STRN: variants seen among roughly 807,000 people sequenced by gnomAD.
STRN encodes protein phosphatase 2 regulatory subunit B'''alpha.
Under a neutral mutation model 96.3 loss-of-function variants are expected in STRN, and 53 were observed. The ratio of observed to expected loss-of-function variants is 0.55; its 90% CI spans 0.44 to 0.69. The LOEUF is 0.69. Ranked by LOEUF, STRN falls within the 30% of genes least tolerant of loss-of-function variation. The pLI, the probability that STRN is intolerant of heterozygous loss-of-function variation, is 0.00. For synonymous variants in STRN, 428 were observed against 355.9 expected, an observed-to-expected ratio of 1.20 and a Z score of -2.28; for missense variants, 987 against 963.9, an observed-to-expected ratio of 1.02 and a Z score of -0.32.
At chr2:36,952,489 T>TA (rs1214542289) in intron 1 of STRN, among the ~76,000 whole-genome samples, 3 of 151,816 alleles carry the variant, frequency 2.0e-5, no homozygotes, top group African/African-American at 7.2e-5. Flanking sequence ...TGCTTCTACT[T>TA]ACCATGCCCA....
chr2:36,910,110 C>T (rs4016033), intron 3 of STRN, among the ~76,000 whole-genome samples: 90,764 of 150,016 alleles, frequency 0.61, 29,335 homozygotes, highest in African/African-American at 0.85. Flanking sequence ...GAGGCGGAGG[C>T]TGCAGTGAGC....
At chr2:36,862,533 C>G (rs915992942) in intron 12 of STRN, among the ~76,000 whole-genome samples, 1 of 152,040 alleles carries the variant, frequency 6.6e-6, no homozygotes, top group African/African-American at 2.4e-5. Flanking sequence ...GTCTGTTGGC[C>G]ACATGTATGT....
At chr2:36,902,350 A>G (rs1182774176) in intron 5 of STRN, among the ~76,000 whole-genome samples, 1 of 152,224 alleles carries the variant, frequency 6.6e-6, no homozygotes, top group Non-Finnish European at 1.5e-5. Context: ...TCAATATACT[A>G]AAATCTATTA....
intron 2 of STRN, among the ~76,000 whole-genome samples, chr2:36,920,393 C>T (rs999871581): frequency 1.3e-5 from 2 of 152,124 alleles, no homozygotes; most frequent in African/African-American, 4.8e-5. Flanking sequence ...AATCCCAACA[C>T]TTTGGGAGGC....
chr2:36,870,490 T>C (rs1429171771), intron 10 of STRN, among the ~76,000 whole-genome samples: 1 of 152,186 alleles, frequency 6.6e-6, no homozygotes, highest in Non-Finnish European at 1.5e-5. Flanking sequence ...TGGTCAACGA[T>C]GGACCACATA....
intron 13 of STRN, among the ~76,000 whole-genome samples, chr2:36,858,709 G>C (rs753746411): frequency 1.5e-4 from 23 of 152,184 alleles, no homozygotes; most frequent in Non-Finnish European, 2.6e-4. Flanking sequence ...CAAATGTTAA[G>C]TCTGGAAATG....
At chr2:36,945,643 C>T (rs1194614938) in intron 1 of STRN, among the ~76,000 whole-genome samples, 1 of 151,168 alleles carries the variant, frequency 6.6e-6, no homozygotes, top group African/African-American at 2.4e-5. Context: ...CCAGCCCGGG[C>T]GACAGTGCAA....
At chr2:36,885,842 C>T (rs1045895826) in intron 8 of STRN, among the ~76,000 whole-genome samples, 14 of 152,056 alleles carry the variant, frequency 9.2e-5, no homozygotes, top group African/African-American at 3.4e-4. Flanking sequence ...CTTTATACTA[C>T]CTTAACATCT....
At position 36,887,480 on chromosome 2, in the gene STRN, C is replaced by CA. The variant is rs758670317; in HGVS notation, c.932-655dup. ...AGCAAAACTCTGTCTCAAAAAAAAA[C>CA]AAAAAACAAAAAACAGAACTTCTCG... On this transcript the variant is annotated intron_variant, in intron 7 of 17. Transcript: ENST00000263918. Among the ~76,000 whole-genome samples, 11 of 150,866 alleles carry CA rather than the reference C, an allele frequency of 7.3e-5. No individual in the cohort carries two copies. In the East Asian group the frequency reaches 1.7e-3, roughly 24 times the overall value.
intron 1 of STRN, among the ~76,000 whole-genome samples, chr2:36,958,109 G>C (rs745444481): frequency 6.6e-6 from 1 of 151,610 alleles, no homozygotes; most frequent in East Asian, 1.9e-4. Flanking sequence ...TAGTAGAGAC[G>C]GGGTTTCACC....
intron 1 of STRN, among the ~76,000 whole-genome samples, chr2:36,937,342 CAAAAAAAA>C (rs59891421): frequency 1.9e-5 from 2 of 107,692 alleles, no homozygotes; most frequent in Non-Finnish European, 3.9e-5. Context: ...GAGACTGTCT[CAAAAAAAA>C]AAAAAAAAGA....
intron 1 of STRN, among the ~76,000 whole-genome samples, chr2:36,947,676 G>A (rs954789966): frequency 6.6e-6 from 1 of 151,254 alleles, no homozygotes; most frequent in Non-Finnish European, 1.5e-5. Context: ...CACCAAGTGG[G>A]AGTTGGGAAA....
chr2:36,898,908 G>C (rs1044139084), intron 6 of STRN, among the ~76,000 whole-genome samples: 10 of 152,116 alleles, frequency 6.6e-5, no homozygotes, highest in African/African-American at 2.2e-4. Flanking sequence ...GGGGAAGAGG[G>C]GAGAAAAGCG....
chr2:36,895,113 G>T (rs561733052), intron 6 of STRN, among the ~76,000 whole-genome samples: 4 of 152,166 alleles, frequency 2.6e-5, no homozygotes, highest in Admixed American at 1.3e-4. Context: ...GGATCAAGAG[G>T]TCAGGAGATC....
intron 3 of STRN, among the ~76,000 whole-genome samples, chr2:36,915,702 A>G (rs147018807): frequency 1.4e-4 from 21 of 152,266 alleles, no homozygotes; most frequent in East Asian, 1.2e-3. Flanking sequence ...TCTTACCTCC[A>G]TATTTCCTAA....
chr2:36,849,655 A>T (rs1668170621), intron 17 of STRN, 30 bp from the exon 18 acceptor site: 1 of 1,612,308 alleles, frequency 6.2e-7, no homozygotes, highest in Non-Finnish European at 8.5e-7. Flanking sequence ...TAAAAGGAAA[A>T]ATTACATTAA....
intron 1 of STRN, 92 bp downstream of exon 1, chr2:36,966,138 G>A (rs1665154035): frequency 5.4e-6 from 7 of 1,305,352 alleles, no homozygotes; most frequent in Admixed American, 8.3e-5. Context: ...GAGGGGACGC[G>A]AGAAGGCTGG....
At chr2:36,883,300 C>CA (rs34427273) in intron 9 of STRN, among the ~76,000 whole-genome samples, 3 of 151,862 alleles carry the variant, frequency 2.0e-5, no homozygotes, top group African/African-American at 7.3e-5. Flanking sequence ...ACTAAAAATA[C>CA]AAAAAAATTA....
rs1274643822 is a variant in STRN at position 36,838,955 on chromosome 2, TGA to T, written c.*10499_*10500del. Among the ~76,000 whole-genome samples the T allele has an allele frequency of 3.3e-5, 5 of 152,186 alleles. No homozygotes were observed. Among genetic ancestry groups the T allele is most frequent in the East Asian group, 1.9e-4 (1 of 5,202 alleles). On this transcript the variant is annotated 3_prime_UTR_variant, in exon 18 of 18. Coordinates refer to ENST00000263918, the MANE Select transcript of STRN (RefSeq NM_003162.4). ...GACTGTATATGTTTACTGATAAATTTGAGAGACCTTTAAAAATTTGTAAGGTG... is the reference window on the plus strand; with the variant it reads ...GACTGTATATGTTTACTGATAAATTTGAGACCTTTAAAAATTTGTAAGGTG...
Sources: gnomAD v4.1 joint callset for allele counts (sites outside exome capture counted in the v4.1 genomes callset) on GRCh38, gnomAD v4.1.1 for gene constraint, MANE v1.5 for transcripts, NCBI Gene and HGNC (gene_info 2026-07-23, HGNC 2026-07-21) for gene names.